The following PSMB1 variants were observed in gnomAD, a reference collection of about 807,000 sequenced individuals.
PSMB1 encodes the protein proteasome 20S subunit beta 1.
Under a neutral mutation model 25.4 loss-of-function variants are expected in PSMB1, and 7 were observed. That is an observed-to-expected ratio of 0.28 (90% confidence interval 0.16 to 0.52). The LOEUF is 0.52. Ranked by LOEUF, PSMB1 falls within the 20% of genes least tolerant of loss-of-function variation. The pLI is 0.97. For synonymous variants in PSMB1, 119 were observed against 115.0 expected, an observed-to-expected ratio of 1.03 and a Z score of -0.22; for missense variants, 284 against 302.2, an observed-to-expected ratio of 0.94 and a Z score of 0.45.
intron 2 of PSMB1, among the ~76,000 whole-genome samples, chr6:170,546,939 A>G (rs1455212179): frequency 6.6e-6 from 1 of 152,246 alleles, no homozygotes; most frequent in African/African-American, 2.4e-5. Context: ...ATTCTTACAA[A>G]TAAGGAAAGC....
chr6:170,536,094 G>A (rs944286618), intron 5 of PSMB1, among the ~76,000 whole-genome samples: 3 of 152,028 alleles, frequency 2.0e-5, no homozygotes, highest in Non-Finnish European at 2.9e-5. Context: ...AAATACAGGC[G>A]GCCTTTGAAT....
rs990353600 is a variant in PSMB1 at position 170,549,765 on chromosome 6, A to G, written c.114-652T>C. On this transcript the variant is annotated intron_variant, in intron 1 of 5. Transcript: ENST00000262193. ...GGGTAAGTTACTTCTCAAAGCGTCA[A>G]TTTCATCATATATACAACAGAGATC... The G allele has an allele frequency of 4.6e-5, 7 of 152,368 alleles. No homozygotes were observed. The South Asian group carries it at 1.0e-3, about 23-fold the overall frequency. 9.4% of individuals were successfully genotyped at this position (152,368 alleles called of 1,614,324 possible). A position where few individuals can be genotyped will look rare whatever the true frequency, so the allele number is the denominator to read the frequency against.
chr6:170,543,516 G>C lies in PSMB1; in HGVS notation c.433+85C>G, dbSNP rs45523336. 2,126 of 1,280,812 alleles carry C rather than the reference G, an allele frequency of 1.7e-3. 2 individuals carry two copies. Among genetic ancestry groups the C allele is most frequent in the Non-Finnish European group, 2.0e-3 (1,928 of 945,634 alleles). The allele number at this position is 1,280,812 out of a possible 1,614,324, so 79.3% of individuals were successfully genotyped here. A position where few individuals can be genotyped will look rare whatever the true frequency, so the allele number is the denominator to read the frequency against. Reference sequence around the variant, plus strand: ...AGAATTGTGTCAGATGGTATTTATGGTTCTTTTCAACTCTAGATGGATACA... The same window carrying C: ...AGAATTGTGTCAGATGGTATTTATGCTTCTTTTCAACTCTAGATGGATACA... On this transcript the variant is annotated intron_variant, in intron 4 of 5. Transcript: ENST00000262193.
chr6:170,539,449 T>C (rs532222605), intron 4 of PSMB1, among the ~76,000 whole-genome samples: 174 of 152,172 alleles, frequency 1.1e-3, no homozygotes, highest in Non-Finnish European at 2.2e-3. Flanking sequence ...AGAAGAAAAC[T>C]AACCTGCAAA....
intron 5 of PSMB1, 93 bp from the exon 6 acceptor site, chr6:170,535,498 A>T: frequency 9.1e-7 from 1 of 1,095,150 alleles, no homozygotes; most frequent in Non-Finnish European, 1.3e-6. Flanking sequence ...GTGTACGAGG[A>T]TTTGTGATGA....
rs139009087 is a variant in PSMB1 at position 170,547,959 on chromosome 6, AC to A, written c.221+1046del. Among the ~76,000 whole-genome samples the A allele has an allele frequency of 1.1e-3, 165 of 151,830 alleles. 1 individual carries two copies. Among genetic ancestry groups the A allele is most frequent in the African/African-American group, 3.8e-3 (156 of 41,206 alleles). On this transcript the variant is annotated intron_variant, in intron 2 of 5. Transcript: ENST00000262193. ...ATTTAAAAGATGAGTAAAAGCTAGT[AC>A]AAGGATGGTATCCATAAAGTTGTTT... is the stretch of plus-strand genomic sequence containing the variant.
intron 2 of PSMB1, among the ~76,000 whole-genome samples, chr6:170,546,432 T>C (rs1426311742): frequency 2.0e-5 from 3 of 152,182 alleles, no homozygotes; most frequent in Non-Finnish European, 1.5e-5. Context: ...GAATTTTTTT[T>C]ACTATCTTGG....
At chr6:170,536,326 A>G in intron 5 of PSMB1, 1 of 447,672 alleles carries the variant, frequency 2.2e-6, no homozygotes, top group Non-Finnish European at 4.5e-6. Context: ...ACTGATTATA[A>G]AAAGTTAAAG....
At chr6:170,543,754 A>T in intron 3 of PSMB1, 24 bp from the exon 4 acceptor site, 1 of 1,593,138 alleles carries the variant, frequency 6.3e-7, no homozygotes, top group South Asian at 1.1e-5. Flanking sequence ...TAAAAGTCAC[A>T]GGCATGTAGA....
chr6:170,537,556 G>C (rs1478745165), intron 4 of PSMB1, among the ~76,000 whole-genome samples: 1 of 152,152 alleles, frequency 6.6e-6, no homozygotes, highest in Non-Finnish European at 1.5e-5. Context: ...CATTGCACAG[G>C]TGCCACCCAG....
chr6:170,550,833 A>G (rs985154897), intron 1 of PSMB1, among the ~76,000 whole-genome samples: 3 of 145,880 alleles, frequency 2.1e-5, no homozygotes, highest in East Asian at 2.0e-4. Flanking sequence ...TGGCATAATT[A>G]TAAGTATTTT....
Position 170,535,484 on chromosome 6 carries a change from T to C in PSMB1, c.541-79A>G, listed in dbSNP as rs375004059. The C allele has an allele frequency of 4.9e-6, 6 of 1,213,208 alleles. No homozygotes were observed. In the African/African-American group the frequency reaches 9.1e-5, roughly 18 times the overall value. 75.2% of individuals were successfully genotyped at this position (1,213,208 alleles called of 1,614,324 possible). ...AAGGTTCAAGTTTCTTCCAATACCC[T>C]CATGTGTACGAGGATTTGTGATGAA... On this transcript the variant is annotated intron_variant, in intron 5 of 5. Coordinates refer to ENST00000262193, the MANE Select transcript of PSMB1 (RefSeq NM_002793.4).
rs759311804 is a variant in PSMB1 at position 170,535,261 on chromosome 6, C to A, written c.685G>T (p.Glu229Ter). ...GAAACAGTTTCCTCCCTGATGCCCT[C>A]TTTGGTCACTATGCAGATCCGGAGT... ...DALRICIVTK[E>*]GIREETVSLR... Residue 229 changes from glutamate (E) to a stop codon, truncating the protein, a stop_gained, in exon 6 of 6, where the codon GAG becomes TAG. Coordinates refer to ENST00000262193, the MANE Select transcript of PSMB1 (RefSeq NM_002793.4). LOFTEE classifies it high-confidence loss of function. 1.2e-6 allele frequency: 2 copies of A among 1,614,190 alleles called. No individual in the cohort carries two copies. The highest frequency in any genetic ancestry group is 1.7e-6 in the Non-Finnish European group (2 of 1,180,030).
intron 4 of PSMB1, 140 bp downstream of exon 4, chr6:170,543,461 T>G: frequency 1.1e-6 from 1 of 923,266 alleles, no homozygotes. Flanking sequence ...CTTCAGTTTC[T>G]TCATCACTTT....
rs375360014 is a variant in PSMB1 at position 170,553,175 on chromosome 6, G to A, written c.68C>T (p.Ala23Val). 43 of 1,613,704 alleles carry A rather than the reference G, an allele frequency of 2.7e-5. No homozygotes were observed. The highest frequency in any genetic ancestry group is 2.4e-4 in the African/African-American group (18 of 74,940). The change falls in exon 1 of 6, where the codon GCG (alanine) becomes GTG (valine). Residue 23 changes from alanine to valine, a missense_variant. Physicochemically the swap from Ala to Val is moderately conservative, Grantham distance 64. Transcript: ENST00000262193. ...RDLGMEPHRA[A>V]GPLQLRFSPY... ...CGAAAATCGCAGCTGCAAAGGGCCCGCGGCTCTGTGCGGTTCCATCCCCAA... is the reference window on the plus strand; with the variant it reads ...CGAAAATCGCAGCTGCAAAGGGCCCACGGCTCTGTGCGGTTCCATCCCCAA...
At chr6:170,541,947 A>G (rs974590902) in intron 4 of PSMB1, among the ~76,000 whole-genome samples, 1 of 152,228 alleles carries the variant, frequency 6.6e-6, no homozygotes, top group Non-Finnish European at 1.5e-5. Context: ...TAATGTTGCT[A>G]AAATCTGAAT....
intron 2 of PSMB1, among the ~76,000 whole-genome samples, chr6:170,548,596 T>G (rs1470103031): frequency 6.6e-6 from 1 of 152,222 alleles, no homozygotes; most frequent in African/African-American, 2.4e-5. Context: ...AAAACTCATG[T>G]TGAAATTTAA....
chr6:170,536,571 T>G (rs564290269), intron 5 of PSMB1: 62 of 441,604 alleles, frequency 1.4e-4, no homozygotes, highest in African/African-American at 1.3e-3. Flanking sequence ...TGTAAACAGA[T>G]GATGTAAACT....
At position 170,553,217 on chromosome 6, in the gene PSMB1, G is replaced by A. The variant is rs367927347; in HGVS notation, c.26C>T (p.Ser9Leu). Reference sequence around the variant, plus strand: ...CATCCCCAAGTCTCTGCCAGGAGCCGAATACATGGCTGTAGAGGACAACAT... The same window carrying A: ...CATCCCCAAGTCTCTGCCAGGAGCCAAATACATGGCTGTAGAGGACAACAT... MLSSTAMY[S>L]APGRDLGMEP... is the part of the protein sequence containing the mutation. The change falls in exon 1 of 6, where the codon TCG becomes TTG. Residue 9 changes from serine (S) to leucine (L), a missense_variant. By Grantham distance (145) the Ser-to-Leu change is moderately radical (BLOSUM62 -2). Transcript: ENST00000262193. The A allele has an allele frequency of 1.6e-5, 26 of 1,613,180 alleles. No homozygotes were observed. The South Asian group carries it at 1.9e-4, about 12-fold the overall frequency.
Sources: allele counts gnomAD v4.1 joint callset (sites outside exome capture counted in the v4.1 genomes callset), GRCh38; gene constraint gnomAD v4.1.1; transcripts MANE v1.5; gene names NCBI Gene and HGNC (gene_info 2026-07-23, HGNC 2026-07-21).